Variants in OXCT1 observed in about 807,000 individuals in gnomAD.
OXCT1 encodes 3-oxoacid CoA-transferase 1, also known as succinyl-CoA:3-ketoacid coenzyme A transferase 1, mitochondrial.
A neutral mutation model predicts 69.6 loss-of-function variants in OXCT1; 27 were observed. The ratio of observed to expected loss-of-function variants is 0.39; its 90% CI spans 0.29 to 0.54. The LOEUF is 0.54. Ranked by LOEUF, OXCT1 falls within the 20% of genes least tolerant of loss-of-function variation. The pLI is 0.72. For synonymous variants in OXCT1, 202 were observed against 217.8 expected (o/e 0.93, Z 0.64); for missense variants, 437 against 650.2 (o/e 0.67, Z 3.57).
chr5:41,842,868 T>C (rs1748704968), intron 5 of OXCT1, 87 bp from the exon 6 acceptor site: 7 of 913,144 alleles, frequency 7.7e-6, no homozygotes, highest in Non-Finnish European at 1.3e-5. Flanking sequence ...ATAATAAGGA[T>C]ACAAGCCTAC....
intron 4 of OXCT1, among the ~76,000 whole-genome samples, chr5:41,852,828 C>A (rs1749241666): frequency 6.6e-6 from 1 of 152,154 alleles, no homozygotes. Context: ...GAGGCCAAGG[C>A]AGGCGGCTCA....
intron 16 of OXCT1, among the ~76,000 whole-genome samples, chr5:41,737,871 C>T (rs945289116): frequency 2.0e-5 from 3 of 152,098 alleles, no homozygotes; most frequent in Admixed American, 6.5e-5. Flanking sequence ...CTGGCTAGCA[C>T]GGTGAAACCC....
intron 13 of OXCT1, among the ~76,000 whole-genome samples, chr5:41,772,200 G>A (rs1401968651): frequency 6.6e-6 from 1 of 152,172 alleles, no homozygotes. Context: ...CAAAGAGGAT[G>A]TGGGTTGGTT....
intron 9 of OXCT1, 144 bp downstream of exon 9, chr5:41,805,423 T>TAAAA: frequency 5.3e-6 from 3 of 570,088 alleles, no homozygotes; most frequent in Non-Finnish European, 9.3e-6. Flanking sequence ...CCACATTTTG[T>TAAAA]AAAAAAAAAA....
chr5:41,836,650 G>A (rs1381452274), intron 7 of OXCT1, among the ~76,000 whole-genome samples: 2 of 152,086 alleles, frequency 1.3e-5, no homozygotes, highest in Non-Finnish European at 2.9e-5. Context: ...TTCTCATAAG[G>A]AGCGAGCAAC....
At chr5:41,814,931 C>T (rs915296059) in intron 7 of OXCT1, among the ~76,000 whole-genome samples, 2 of 151,946 alleles carry the variant, frequency 1.3e-5, no homozygotes, top group African/African-American at 4.8e-5. Context: ...TGCTGTCCAG[C>T]CTCAAAGTTG....
At chr5:41,734,942 A>C (rs1248557777) in intron 16 of OXCT1, among the ~76,000 whole-genome samples, 1 of 152,202 alleles carries the variant, frequency 6.6e-6, no homozygotes, top group African/African-American at 2.4e-5. Flanking sequence ...ATTAAACAGA[A>C]GATAACTGTT....
Position 41,838,244 on chromosome 5 carries a change from A to G in OXCT1, c.732+2207T>C, listed in dbSNP as rs148295927. Among the ~76,000 whole-genome samples, 282 of 152,290 alleles carry G rather than the reference A, an allele frequency of 1.9e-3. 4 individuals are homozygous for G. The highest frequency in any genetic ancestry group is 6.4e-3 in the African/African-American group (264 of 41,534). On this transcript the variant is annotated intron_variant, in intron 7 of 16. Transcript: ENST00000196371. ...GGTACTCACTGGACTCAAAATACAA[A>G]TCACAAAGCCAAAACAGAGTTTCAC...
At chr5:41,844,080 A>C (rs1025804086) in intron 5 of OXCT1, among the ~76,000 whole-genome samples, 1 of 152,202 alleles carries the variant, frequency 6.6e-6, no homozygotes, top group African/African-American at 2.4e-5. Flanking sequence ...AAAGTCAATA[A>C]ATAGGCTTCT....
At chr5:41,732,582 A>G (rs1391494322) in intron 16 of OXCT1, among the ~76,000 whole-genome samples, 1 of 152,196 alleles carries the variant, frequency 6.6e-6, no homozygotes, top group Non-Finnish European at 1.5e-5. Flanking sequence ...CTAGTTAGTA[A>G]CAGTCCCCAT....
At chr5:41,827,002 A>G (rs1334194980) in intron 7 of OXCT1, among the ~76,000 whole-genome samples, 3 of 152,166 alleles carry the variant, frequency 2.0e-5, no homozygotes, top group Admixed American at 1.3e-4. Flanking sequence ...CATGTTGGAT[A>G]GATTCCTCTT....
chr5:41,870,012 TCCCGCCC>T lies in OXCT1; in HGVS notation c.78+262_78+268del. The T allele has an allele frequency of 2.0e-6, 1 of 495,264 alleles. No homozygotes were observed. The highest frequency in any genetic ancestry group is 2.1e-5 in the South Asian group (1 of 48,318). The allele number at this position is 495,264 out of a possible 1,614,324, so 30.7% of individuals were successfully genotyped here. On this transcript the variant is annotated intron_variant, in intron 1 of 16. Coordinates refer to ENST00000196371, the MANE Select transcript of OXCT1 (RefSeq NM_000436.4). This position sits in a 1 kb window ranked among gnomAD's most constrained non-coding sequence, Gnocchi z 4.2. Reference sequence around the variant, plus strand: ...GGCTCGGGAGCGCTGCCAGGAGTCCTCCCGCCCCTTCTCAGCCTCTCCGCGCGCTTCT... The same window carrying T: ...GGCTCGGGAGCGCTGCCAGGAGTCCTCTTCTCAGCCTCTCCGCGCGCTTCT...
At chr5:41,837,697 A>G in intron 7 of OXCT1, among the ~76,000 whole-genome samples, 1 of 151,998 alleles carries the variant, frequency 6.6e-6, no homozygotes, top group East Asian at 1.9e-4. Flanking sequence ...CTACTTCTGG[A>G]GATTCAATAT....
chr5:41,793,900 A>G, intron 13 of OXCT1, 103 bp downstream of exon 13: 1 of 759,418 alleles, frequency 1.3e-6, no homozygotes, highest in Non-Finnish European at 2.3e-6. Flanking sequence ...ATATTAAAAT[A>G]TTTCATTTTT....
intron 15 of OXCT1, 60 bp from the exon 16 acceptor site, chr5:41,739,551 C>T: frequency 1.6e-6 from 2 of 1,280,870 alleles, no homozygotes; most frequent in Non-Finnish European, 2.3e-6. Context: ...TATTATATGG[C>T]ACAAAACAGA....
chr5:41,749,480 A>G (rs1474598122), intron 15 of OXCT1, 47 bp downstream of exon 15: 16 of 1,261,446 alleles, frequency 1.3e-5, no homozygotes, highest in Non-Finnish European at 1.9e-5. Flanking sequence ...AAACTTTCTA[A>G]AAATGCTTAC....
intron 7 of OXCT1, among the ~76,000 whole-genome samples, chr5:41,812,856 A>T (rs969901144): frequency 6.6e-6 from 1 of 152,042 alleles, no homozygotes; most frequent in Non-Finnish European, 1.5e-5. Context: ...ACCCTTAAAG[A>T]GCCTGAAGAT....
intron 5 of OXCT1, among the ~76,000 whole-genome samples, chr5:41,843,841 C>T (rs918774869): frequency 6.6e-6 from 1 of 152,106 alleles, no homozygotes; most frequent in Non-Finnish European, 1.5e-5. Flanking sequence ...AACCAAGTTG[C>T]CTGCTAGAAA....
intron 13 of OXCT1, among the ~76,000 whole-genome samples, chr5:41,785,040 G>C (rs1176211695): frequency 1.3e-5 from 2 of 152,054 alleles, no homozygotes; most frequent in African/African-American, 2.4e-5. Context: ...ACCAAATATA[G>C]CACCCAAGAA....
Sources: gnomAD v4.1 joint callset for allele counts (sites outside exome capture counted in the v4.1 genomes callset) on GRCh38, gnomAD v4.1.1 for gene constraint, Gnocchi (gnomAD v3.1) non-coding constraint, MANE v1.5 for transcripts, NCBI Gene and HGNC (gene_info 2026-07-23, HGNC 2026-07-21) for gene names.